ABHD5: variants seen among roughly 807,000 people sequenced by gnomAD.
ABHD5 encodes the protein abhydrolase domain containing 5, lysophosphatidic acid acyltransferase, also known as 1-acylglycerol-3-phosphate O-acyltransferase ABHD5.
In ABHD5, 30 loss-of-function variants were observed where a neutral mutation model predicts 44.9. That is an observed-to-expected ratio of 0.67 (90% CI 0.50 to 0.91). ABHD5 has a LOEUF of 0.91. Among genes scored for constraint, ABHD5 ranks in the 40% least tolerant of loss-of-function variants. The probability of loss-of-function intolerance (pLI) is 0.00; values close to 1 mark genes in which losing one functional copy is unlikely to be tolerated. For missense variants in ABHD5, 399 were observed against 423.4 expected, an observed-to-expected ratio of 0.94 and a Z score of 0.50; for synonymous variants, 167 against 147.0, an observed-to-expected ratio of 1.14 and a Z score of -0.99.
At chr3:43,711,898 G>A (rs375242597) in intron 4 of ABHD5, 35 bp downstream of exon 4, 2 of 1,613,762 alleles carry the variant, frequency 1.2e-6, no homozygotes, top group Non-Finnish European at 1.7e-6. Flanking sequence ...CAAAATGTTT[G>A]TAAGTTATGA....
At chr3:43,714,497 G>A (rs535623792) in intron 4 of ABHD5, among the ~76,000 whole-genome samples, 15 of 152,204 alleles carry the variant, frequency 9.9e-5, no homozygotes, top group Non-Finnish European at 1.9e-4. Flanking sequence ...AGGGAGTCTC[G>A]CTAGTGTCCC....
chr3:43,713,821 G>C (rs1230286746), intron 4 of ABHD5, among the ~76,000 whole-genome samples: 1 of 152,162 alleles, frequency 6.6e-6, no homozygotes, highest in Non-Finnish European at 1.5e-5. Flanking sequence ...ACCTAGGAGA[G>C]GCTCTTTAAT....
chr3:43,700,155 C>CT (rs1408174165), intron 2 of ABHD5, among the ~76,000 whole-genome samples: 1 of 151,822 alleles, frequency 6.6e-6, no homozygotes, highest in Non-Finnish European at 1.5e-5. Context: ...CTTCTCATTT[C>CT]TTATAAAATG....
intron 7 of ABHD5, among the ~76,000 whole-genome samples, chr3:43,731,320 A>T (rs2084911550): frequency 6.6e-6 from 1 of 152,216 alleles, no homozygotes; most frequent in South Asian, 2.1e-4. Flanking sequence ...ACAGACTGGC[A>T]CTCAATGGTT....
intron 1 of ABHD5, among the ~76,000 whole-genome samples, chr3:43,698,362 C>G (rs556081046): frequency 1.3e-5 from 2 of 152,278 alleles, no homozygotes; most frequent in South Asian, 2.1e-4. Flanking sequence ...CACTTTTCCT[C>G]TTCTAATTCA....
intron 3 of ABHD5, among the ~76,000 whole-genome samples, chr3:43,706,562 C>G (rs569796018): frequency 1.4e-4 from 22 of 151,838 alleles, no homozygotes; most frequent in African/African-American, 4.8e-4. Context: ...TGACCTCTTA[C>G]ACTCAACAAA....
At chr3:43,726,913 C>G (rs548836462), downstream of ABHD5, among the ~76,000 whole-genome samples, 3 of 152,172 alleles carry the variant, frequency 2.0e-5, no homozygotes, top group African/African-American at 7.2e-5. Context: ...TGTGGTTTAT[C>G]GGGCAGTTCA....
chr3:43,705,990 A>G (rs958006184), intron 3 of ABHD5, among the ~76,000 whole-genome samples: 4 of 152,208 alleles, frequency 2.6e-5, no homozygotes, highest in Non-Finnish European at 5.9e-5. Flanking sequence ...AACATTAAAC[A>G]GGATTAAACA....
chr3:43,690,883 C>G, upstream of ABHD5: 1 of 1,235,618 alleles, frequency 8.1e-7, no homozygotes, highest in Non-Finnish European at 1.1e-6. Context: ...GCGCGGAAGA[C>G]GCATGCGCTG....
intron 4 of ABHD5, among the ~76,000 whole-genome samples, chr3:43,714,128 T>C (rs2084726352): frequency 6.7e-6 from 1 of 148,336 alleles, no homozygotes; most frequent in Admixed American, 6.7e-5. Flanking sequence ...TTTCTTTCTT[T>C]CTTTTTTTCT....
At chr3:43,717,266 GA>G (rs2084776587) in intron 5 of ABHD5, among the ~76,000 whole-genome samples, 1 of 152,152 alleles carries the variant, frequency 6.6e-6, no homozygotes, top group Non-Finnish European at 1.5e-5. Context: ...TATATTGTCT[GA>G]GTTTCTTCTT....
chr3:43,731,527 TTG>T (rs1244002167), intron 7 of ABHD5, among the ~76,000 whole-genome samples: 2 of 152,170 alleles, frequency 1.3e-5, no homozygotes, highest in Admixed American at 6.5e-5. Flanking sequence ...GTGGGGCTGC[TTG>T]TTGAAAGATT....
chr3:43,699,981 C>G (rs376238127), intron 2 of ABHD5, among the ~76,000 whole-genome samples: 6 of 151,924 alleles, frequency 3.9e-5, no homozygotes, highest in African/African-American at 1.2e-4. Context: ...TCAGGGACAC[C>G]CCCCCTGACT....
Position 43,704,328 on chromosome 3 carries a change from C to T in ABHD5, c.506+1741C>T, listed in dbSNP as rs553757637. The stretch of plus-strand genomic sequence containing the variant: ...TGTTGGGATTACAGGCATGAGCCAC[C>T]GCACCCGCTGGTGTTACTTTCTTTT... On this transcript the variant is annotated intron_variant, in intron 3 of 6. Coordinates refer to ENST00000644371, the MANE Select transcript of ABHD5 (RefSeq NM_016006.6). Among the ~76,000 whole-genome samples the T allele has an allele frequency of 7.2e-5, 11 of 152,232 alleles. No homozygotes were observed. The South Asian group carries it at 1.7e-3, about 23-fold the overall frequency.
At chr3:43,714,899 G>T in intron 4 of ABHD5, 48 bp from the exon 5 acceptor site, 2 of 1,355,826 alleles carry the variant, frequency 1.5e-6, no homozygotes. Flanking sequence ...TAGTTGATAA[G>T]TTAACTATAA....
At chr3:43,704,998 A>G (rs1049888498) in intron 3 of ABHD5, among the ~76,000 whole-genome samples, 1 of 152,230 alleles carries the variant, frequency 6.6e-6, no homozygotes, top group Non-Finnish European at 1.5e-5. Context: ...AAATTATTAA[A>G]TACAGGTTAA....
intron 3 of ABHD5, among the ~76,000 whole-genome samples, chr3:43,704,039 T>A (rs999782693): frequency 7.5e-6 from 1 of 132,842 alleles, no homozygotes; most frequent in African/African-American, 2.8e-5. Context: ...TTTTCTTTTT[T>A]TTTTTTTTTT....
At chr3:43,694,151 C>G (rs918545298) in intron 1 of ABHD5, among the ~76,000 whole-genome samples, 24 of 148,910 alleles carry the variant, frequency 1.6e-4, no homozygotes, top group African/African-American at 6.0e-4. Context: ...CCCAGCTACT[C>G]GGGAGGCTGA....
chr3:43,705,062 T>C (rs1439749964), intron 3 of ABHD5, among the ~76,000 whole-genome samples: 1 of 152,208 alleles, frequency 6.6e-6, no homozygotes, highest in African/African-American at 2.4e-5. Flanking sequence ...CATGATTATG[T>C]CCAGTCAGTC....
Sources: allele counts gnomAD v4.1 joint callset (sites outside exome capture counted in the v4.1 genomes callset), GRCh38; gene constraint gnomAD v4.1.1; transcripts MANE v1.5; gene names NCBI Gene and HGNC (gene_info 2026-07-23, HGNC 2026-07-21).